The following TCTN1 variants were observed in gnomAD, a reference collection of about 807,000 sequenced individuals.
The protein encoded by TCTN1 is tectonic family member 1.
Under a neutral mutation model 65.8 loss-of-function variants are expected in TCTN1, and 58 were observed. The ratio of observed to expected loss-of-function variants is 0.88; its 90% CI spans 0.71 to 1.10. The LOEUF (loss-of-function observed/expected upper bound fraction) is 1.10, where lower values mean the gene tolerates loss of function less well. Among genes scored for constraint, TCTN1 ranks in the 50% least tolerant of loss-of-function variants. The pLI is 0.00. For missense variants in TCTN1, 645 were observed against 719.4 expected (o/e 0.90, Z 1.18); for synonymous variants, 273 against 289.1 (o/e 0.94, Z 0.57).
Position 110,640,271 on chromosome 12 carries a change from C to G in TCTN1, c.844-112C>G. 7.9e-7 allele frequency: 1 copy of G among 1,271,314 alleles called. No homozygotes were observed. Among genetic ancestry groups the G allele is most frequent in the East Asian group, 2.3e-5 (1 of 42,654 alleles). 78.8% of individuals were successfully genotyped at this position (1,271,314 alleles called of 1,614,324 possible). ...AGTATATACACTGTTGTGTAGCATG[C>G]TTCCCCCTACTTGGCCATATATCAG... On this transcript the variant is annotated intron_variant, in intron 7 of 14. Coordinates refer to ENST00000397659, the MANE Select transcript of TCTN1 (RefSeq NM_001082538.3). This position sits in a 1 kb window ranked among gnomAD's most constrained non-coding sequence, Gnocchi z 4.9.
chr12:110,628,584 G>A (rs962001140), intron 3 of TCTN1, among the ~76,000 whole-genome samples, 183 bp from the exon 4 acceptor site: 7 of 151,954 alleles, frequency 4.6e-5, no homozygotes, highest in African/African-American at 1.2e-4. Flanking sequence ...CAGGCAGTCC[G>A]CCCGCCTTGG....
intron 11 of TCTN1, among the ~76,000 whole-genome samples, chr12:110,642,992 G>T (rs2067062836): frequency 1.3e-5 from 2 of 152,102 alleles, no homozygotes; most frequent in Admixed American, 1.3e-4. Flanking sequence ...CTGACCTCAG[G>T]TGATCTGCCT....
At chr12:110,622,171 A>T (rs1274424844) in intron 2 of TCTN1, among the ~76,000 whole-genome samples, 2 of 151,970 alleles carry the variant, frequency 1.3e-5, no homozygotes, top group East Asian at 3.9e-4. Context: ...AGTTGAATGG[A>T]TGAATGAATT....
chr12:110,614,568 G>A, intron 1 of TCTN1, 166 bp downstream of exon 1: 1 of 1,380,698 alleles, frequency 7.2e-7, no homozygotes, highest in Non-Finnish European at 9.9e-7. Context: ...ACCCTGAGAA[G>A]TAGCTGTTAC....
chr12:110,622,135 A>T (rs1396589001), intron 2 of TCTN1, among the ~76,000 whole-genome samples: 1 of 149,546 alleles, frequency 6.7e-6, no homozygotes, highest in African/African-American at 2.5e-5. Context: ...GAAACTCCAT[A>T]AAAAAAAATA....
intron 3 of TCTN1, chr12:110,627,782 A>T: frequency 4.0e-6 from 2 of 501,406 alleles, no homozygotes; most frequent in Non-Finnish European, 3.5e-6. Flanking sequence ...GCTCAAATAT[A>T]TGTCTAGATC....
In TCTN1 at chr12:110,640,386, C is replaced by G. The variant is rs762951869; in HGVS notation, c.847C>G (p.Pro283Ala). The change falls in exon 8 of 15, where the codon CCT becomes GCT. Residue 283 changes from proline to alanine, a missense_variant. By Grantham distance (27) the Pro-to-Ala change is conservative (BLOSUM62 -1). Coordinates refer to ENST00000397659, the MANE Select transcript of TCTN1 (RefSeq NM_001082538.3). The surrounding 1 kb of genome is among the most constrained non-coding windows in gnomAD (Gnocchi z 4.9). ...ACTCCAGGTCTTCACTCTGCAGGTC[C>G]CTATCACTGTTCAGTCCATCGTCAT... ...LRVPDSRKKV[P>A]ITVQSIVIQS... is the part of the protein sequence containing the mutation. 2 of 1,614,148 alleles carry G rather than the reference C, an allele frequency of 1.2e-6. No individual in the cohort carries two copies. The highest frequency in any genetic ancestry group is 2.2e-5 in the South Asian group (2 of 91,082).
chr12:110,647,632 C>T (rs1369142450), intron 13 of TCTN1, 117 bp from the exon 14 acceptor site: 2 of 1,480,532 alleles, frequency 1.4e-6, no homozygotes, highest in Middle Eastern at 1.7e-4. Context: ...TGCTCCAGGA[C>T]CTATCAGATT....
intron 1 of TCTN1, among the ~76,000 whole-genome samples, chr12:110,619,118 C>T (rs1199277968): frequency 6.6e-6 from 1 of 151,910 alleles, no homozygotes; most frequent in African/African-American, 2.4e-5. Context: ...GTGGAGGTTG[C>T]AGTGAGCCAA....
Position 110,647,296 on chromosome 12 carries a change from T to A in TCTN1, c.1595T>A (p.Val532Asp). The change falls in exon 13 of 15, where the codon GTC becomes GAC. Residue 532 changes from valine (V) to aspartate (D), a missense_variant. Physicochemically the swap from Val to Asp is radical, Grantham distance 152 (BLOSUM62 -3). Coordinates refer to ENST00000397659, the MANE Select transcript of TCTN1 (RefSeq NM_001082538.3). ...CTGCTGAATCCACAGGCCAAAATAG[T>A]CAATGTAACTGCAAATCTAATTTCA... is the stretch of plus-strand genomic sequence containing the variant. ...GSLLNPQAKI[V>D]NVTANLISSS... is the part of the protein sequence containing the mutation. 2 of 1,614,210 alleles carry A rather than the reference T, an allele frequency of 1.2e-6. No homozygotes were observed. The highest frequency in any genetic ancestry group is 1.7e-6 in the Non-Finnish European group (2 of 1,180,030).
Position 110,644,927 on chromosome 12 carries a change from C to G in TCTN1, c.1332-40C>G, listed in dbSNP as rs868730427. Reference sequence around the variant, plus strand: ...AAATGAAAAACTGCTGGTGGATGAACAACAGCCTCATTCAGTTGACTTCTT... The same window carrying G: ...AAATGAAAAACTGCTGGTGGATGAAGAACAGCCTCATTCAGTTGACTTCTT... On this transcript the variant is annotated intron_variant, in intron 11 of 14. Transcript: ENST00000397659. The surrounding 1 kb of genome is among the most constrained non-coding windows in gnomAD (Gnocchi z 4.6). 1 of 1,613,354 alleles carries G rather than the reference C, an allele frequency of 6.2e-7. No homozygotes were observed. The highest frequency in any genetic ancestry group is 8.5e-7 in the Non-Finnish European group (1 of 1,179,376).
Position 110,619,970 on chromosome 12 carries a change from T to C in TCTN1, c.341+14T>C, listed in dbSNP as rs956506406. ...TCCAGTTGTCACGTAAGTTTACGTA[T>C]GACACATGCAATTTTGAAAAAATTT... On this transcript the variant is annotated intron_variant, in intron 2 of 14. Transcript: ENST00000397659. 16 of 1,614,210 alleles carry C rather than the reference T, an allele frequency of 9.9e-6. No individual in the cohort carries two copies. The highest frequency in any genetic ancestry group is 1.3e-5 in the Non-Finnish European group (15 of 1,180,038).
In TCTN1 at chr12:110,629,747, T is replaced by C. The variant is rs536683867; in HGVS notation, c.624+829T>C. On this transcript the variant is annotated intron_variant, in intron 4 of 14. Coordinates refer to ENST00000397659, the MANE Select transcript of TCTN1 (RefSeq NM_001082538.3). ...GACCCAGCAATTCCATTACTGAGTA[T>C]ATACCCAAAGGATTATAAATCATTC... 5 of 152,338 alleles carry C rather than the reference T, an allele frequency of 3.3e-5. No homozygotes were observed. The South Asian group carries it at 1.0e-3, about 32-fold the overall frequency. The allele number at this position is 152,338 out of a possible 1,614,324, so 9.4% of individuals were successfully genotyped here.
At chr12:110,620,465 AAAGAG>A (rs1384577012) in intron 2 of TCTN1, among the ~76,000 whole-genome samples, 3 of 152,162 alleles carry the variant, frequency 2.0e-5, no homozygotes, top group Non-Finnish European at 4.4e-5. Flanking sequence ...TGTGCAGGCA[AAAGAG>A]AAGAGAGAAT....
rs1365476080 is a variant in TCTN1, at chr12:110,628,284, C to T, written c.473-483C>T. 2.0e-5 allele frequency: 30 copies of T among 1,505,950 alleles called. No homozygotes were observed. In the South Asian group the frequency reaches 3.3e-4, roughly 16 times the overall value. The allele number at this position is 1,505,950 out of a possible 1,614,324, so 93.3% of individuals were successfully genotyped here. On this transcript the variant is annotated intron_variant, in intron 3 of 14. Transcript: ENST00000397659. ...GAAGAAGCAGGCTGAGTCTGGAGGT[C>T]CTGTTTGTTTAATAAGCTTTAAAAA...
At chr12:110,630,330 C>T (rs1052746506) in intron 4 of TCTN1, 35 of 152,316 alleles carry the variant, frequency 2.3e-4, no homozygotes, top group Middle Eastern at 3.4e-3. Flanking sequence ...TTCTCCTCAA[C>T]CTTAAAAGAT....
In TCTN1 at chr12:110,640,575, C is replaced by T. The variant is rs539849002; in HGVS notation, c.978+58C>T. ...TGTGGCAGACTTAAGCCTCTTGTTG[C>T]GCCGGGGTAACTGGACGCCCTCCGA... is the stretch of plus-strand genomic sequence containing the variant. On this transcript the variant is annotated intron_variant, in intron 8 of 14. Coordinates refer to ENST00000397659, the MANE Select transcript of TCTN1 (RefSeq NM_001082538.3). This position sits in a 1 kb window ranked among gnomAD's most constrained non-coding sequence, Gnocchi z 4.9. 2.2e-5 allele frequency: 35 copies of T among 1,612,624 alleles called. No individual in the cohort carries two copies. The highest frequency in any genetic ancestry group is 8.9e-5 in the East Asian group (4 of 44,878).
chr12:110,636,163 C>T (rs2066553695), intron 6 of TCTN1: 1 of 338,584 alleles, frequency 3.0e-6, no homozygotes, highest in Non-Finnish European at 5.7e-6. Flanking sequence ...AACTGTGCTT[C>T]CCACAGTGCT....
chr12:110,614,516 A>G (rs2064899856), intron 1 of TCTN1, 114 bp downstream of exon 1: 1 of 1,531,464 alleles, frequency 6.5e-7, no homozygotes. Flanking sequence ...CTGTGTGCAG[A>G]CACTGCTGAG....
Sources: gnomAD v4.1 joint callset for allele counts (sites outside exome capture counted in the v4.1 genomes callset) on GRCh38, gnomAD v4.1.1 for gene constraint, Gnocchi (gnomAD v3.1) non-coding constraint, MANE v1.5 for transcripts, NCBI Gene and HGNC (gene_info 2026-07-23, HGNC 2026-07-21) for gene names.